The following RXFP2 variants were observed in gnomAD, a reference collection of about 807,000 sequenced individuals.
RXFP2 encodes the protein relaxin family peptide receptor 2.
In RXFP2, 68 loss-of-function variants were observed where a neutral mutation model predicts 88.6. That is an observed-to-expected ratio of 0.77 (90% CI 0.63 to 0.94). The LOEUF is 0.94. Among genes scored for constraint, RXFP2 ranks in the 40% least tolerant of loss-of-function variants. RXFP2 has a pLI of 0.00. For missense variants in RXFP2, 791 were observed against 893.9 expected (o/e 0.88, Z 1.47); for synonymous variants, 329 against 306.8 (o/e 1.07, Z -0.76).
chr13:31,761,920 T>G lies in RXFP2; in HGVS notation c.319+119T>G, dbSNP rs1360548418. ...AGAATTTCCGTTTTAGTTCAATGTA[T>G]TTCACTGGCTAACAGGTCTGCTGTC... On this transcript the variant is annotated intron_variant, in intron 3 of 17. Transcript: ENST00000298386. 6 of 697,728 alleles carry G rather than the reference T, an allele frequency of 8.6e-6. No homozygotes were observed. In the East Asian group the frequency reaches 1.7e-4, roughly 20 times the overall value. 43.2% of individuals were successfully genotyped at this position (697,728 alleles called of 1,614,324 possible).
intron 14 of RXFP2, among the ~76,000 whole-genome samples, chr13:31,791,042 C>A (rs1643927482): frequency 6.6e-6 from 1 of 152,064 alleles, no homozygotes. Flanking sequence ...CAGCAAAGAG[C>A]AGAAAAGTGA....
intron 11 of RXFP2, among the ~76,000 whole-genome samples, chr13:31,783,595 A>T (rs1873386277): frequency 6.6e-6 from 1 of 152,240 alleles, no homozygotes; most frequent in Admixed American, 6.5e-5. Context: ...AATCAAATCC[A>T]CACATATTTA....
rs557161049 is a variant in RXFP2 at position 31,766,355 on chromosome 13, GA to G, written c.497+337del. Among the ~76,000 whole-genome samples the G allele has an allele frequency of 1.7e-4, 25 of 150,206 alleles. No individual in the cohort carries two copies. The South Asian group carries it at 1.9e-3, about 11-fold the overall frequency. ...CAGATTCAGAGGCACTTTTTCACTT[GA>G]AAAAAAAAGAGTGACAGCATAAACA... On this transcript the variant is annotated intron_variant, in intron 5 of 17. Coordinates refer to ENST00000298386, the MANE Select transcript of RXFP2 (RefSeq NM_130806.5).
In RXFP2 at chr13:31,775,363, C is replaced by G; in HGVS notation, c.615C>G (p.Phe205Leu). The G allele has an allele frequency of 6.2e-7, 1 of 1,613,358 alleles. No homozygotes were observed. Among genetic ancestry groups the G allele is most frequent in the Non-Finnish European group, 8.5e-7 (1 of 1,179,368 alleles). Residue 205 changes from phenylalanine to leucine, a missense_variant, in exon 7 of 18, where the codon TTC becomes TTG. Physicochemically the swap from Phe to Leu is conservative, Grantham distance 22 (BLOSUM62 0). Transcript: ENST00000298386. ...NCITTLRPGI[F>L]KDLHQLTWLI... ...TCACAACCCTCAGACCTGGAATATT[C>G]AAAGACTTACATCAGCTAACTTGGC... is the stretch of plus-strand genomic sequence containing the variant.
intron 5 of RXFP2, among the ~76,000 whole-genome samples, chr13:31,770,161 T>C (rs918293569): frequency 6.6e-6 from 1 of 152,218 alleles, no homozygotes; most frequent in African/African-American, 2.4e-5. Flanking sequence ...TGGTTTCTTG[T>C]GAGCTCTCCT....
chr13:31,761,527 T>C (rs1356812833), intron 2 of RXFP2, among the ~76,000 whole-genome samples, 197 bp from the exon 3 acceptor site: 1 of 152,234 alleles, frequency 6.6e-6, no homozygotes, highest in Non-Finnish European at 1.5e-5. Context: ...ATACATACAT[T>C]TGGAGTATTT....
chr13:31,740,319 G>C (rs1370394154), intron 1 of RXFP2, among the ~76,000 whole-genome samples: 1 of 151,874 alleles, frequency 6.6e-6, no homozygotes, highest in Non-Finnish European at 1.5e-5. Flanking sequence ...TCATTGTAAA[G>C]CTCACCAAAA....
chr13:31,770,720 C>T (rs904505657), intron 5 of RXFP2, among the ~76,000 whole-genome samples: 4 of 152,096 alleles, frequency 2.6e-5, no homozygotes, highest in Admixed American at 6.6e-5. Context: ...ACACATGACT[C>T]GGGTCAACTA....
At chr13:31,759,433 GA>G (rs1226326872) in intron 2 of RXFP2, among the ~76,000 whole-genome samples, 71 of 137,902 alleles carry the variant, frequency 5.1e-4, no homozygotes, top group South Asian at 9.1e-4. Context: ...AAGAAAGAAA[GA>G]AAGAAAGAAA....
At chr13:31,779,663 C>A (rs560711155) in intron 9 of RXFP2, among the ~76,000 whole-genome samples, 4 of 152,264 alleles carry the variant, frequency 2.6e-5, no homozygotes, top group Admixed American at 2.6e-4. Context: ...ATGTCTATTG[C>A]TTTCCTGTTC....
At chr13:31,777,871 T>C (rs1206980846) in intron 8 of RXFP2, among the ~76,000 whole-genome samples, 2 of 152,224 alleles carry the variant, frequency 1.3e-5, no homozygotes, top group African/African-American at 2.4e-5. Context: ...AAAATCTTTG[T>C]CCTACCAAGA....
At chr13:31,779,445 C>T (rs1342867756) in intron 9 of RXFP2, among the ~76,000 whole-genome samples, 2 of 152,136 alleles carry the variant, frequency 1.3e-5, no homozygotes, top group East Asian at 3.8e-4. Context: ...TGATTTCCTA[C>T]CCCAGCATTA....
chr13:31,740,148 G>A (rs2138374657), intron 1 of RXFP2, among the ~76,000 whole-genome samples: 1 of 152,116 alleles, frequency 6.6e-6, no homozygotes, highest in East Asian at 1.9e-4. Context: ...AAAGCCACAG[G>A]CAGATCTAAA....
At chr13:31,794,368 CCACACACACACACACACA>C (rs56077729) in intron 16 of RXFP2, among the ~76,000 whole-genome samples, 1 of 145,778 alleles carries the variant, frequency 6.9e-6, no homozygotes, top group Non-Finnish European at 1.5e-5. Flanking sequence ...GAAACACACA[CCACACACACACACACACA>C]CACACACACA....
rs771024304 is a variant in RXFP2, at chr13:31,775,400, TA to T, written c.641+13del. The T allele has an allele frequency of 1.3e-5, 20 of 1,575,872 alleles. No homozygotes were observed. Among genetic ancestry groups the T allele is most frequent in the Non-Finnish European group, 1.7e-5 (20 of 1,145,180 alleles). ...TCAGCTAACTTGGCTGTAAGTACTC[TA>T]ATTCTTCTTTCTCCCATAGAGGATC... On this transcript the variant is annotated intron_variant, in intron 7 of 17. Coordinates refer to ENST00000298386, the MANE Select transcript of RXFP2 (RefSeq NM_130806.5).
chr13:31,739,752 AATAC>A lies in RXFP2; in HGVS notation c.94+49_94+52del, dbSNP rs781767814. 3 of 1,192,416 alleles carry A rather than the reference AATAC, an allele frequency of 2.5e-6. No homozygotes were observed. The Admixed American group carries it at 5.1e-5, about 20-fold the overall frequency. 73.9% of individuals were successfully genotyped at this position (1,192,416 alleles called of 1,614,324 possible). A position where few individuals can be genotyped will look rare whatever the true frequency, so the allele number is the denominator to read the frequency against. The stretch of plus-strand genomic sequence containing the variant: ...TTTTAAATGAGTGCAATTCCCAAAA[AATAC>A]ATTTCTATGTAGTTCTATGGCAGTT... On this transcript the variant is annotated intron_variant, in intron 1 of 17. Transcript: ENST00000298386.
chr13:31,786,517 A>G (rs750608657), intron 12 of RXFP2, 49 bp from the exon 13 acceptor site: 1 of 1,535,210 alleles, frequency 6.5e-7, no homozygotes, highest in Admixed American at 1.7e-5. Flanking sequence ...TCAAAATAAT[A>G]ATACCTTCAA....
chr13:31,754,184 C>T (rs781399568), intron 1 of RXFP2, among the ~76,000 whole-genome samples: 82 of 152,174 alleles, frequency 5.4e-4, no homozygotes, highest in Admixed American at 3.4e-3. Flanking sequence ...GCCTCTGCCG[C>T]CTAGACGTTC....
At position 31,759,375 on chromosome 13, in the gene RXFP2, GAGAAAGAAAGAAAGAAAGAAAGAA is replaced by G. The variant is rs71099990; in HGVS notation, c.241+1019_241+1042del. On this transcript the variant is annotated intron_variant, in intron 2 of 17. Transcript: ENST00000298386. ...TTTTTAAGATGATGACATTTGGATT[GAGAAAGAAAGAAAGAAAGAAAGAA>G]AGAAAGAAAGAAAGAAAGAAAGAAA... 2.0e-3 allele frequency among the ~76,000 whole-genome samples: 46 copies of G among 22,994 alleles called. No homozygotes were observed. In the South Asian group the frequency reaches 0.048, roughly 24 times the overall value. The allele number at this position is 22,994 out of a possible 152,430, so 15.1% of individuals were successfully genotyped here. A position where few individuals can be genotyped will look rare whatever the true frequency, so the allele number is the denominator to read the frequency against.
Sources: gnomAD v4.1 joint callset for allele counts (sites outside exome capture counted in the v4.1 genomes callset) on GRCh38, gnomAD v4.1.1 for gene constraint, MANE v1.5 for transcripts, NCBI Gene and HGNC (gene_info 2026-07-23, HGNC 2026-07-21) for gene names.